PDZRN4: variants seen among roughly 807,000 people sequenced by gnomAD.
The protein encoded by PDZRN4 is PDZ domain containing ring finger 4, also known as PDZ domain-containing RING finger protein 4.
In PDZRN4, 70 loss-of-function variants were observed where a neutral mutation model predicts 99.0. The ratio of observed to expected loss-of-function variants is 0.71; its 90% CI spans 0.58 to 0.86. The LOEUF (loss-of-function observed/expected upper bound fraction) is 0.86. PDZRN4 is among the 40% of genes least tolerant of loss of function. The pLI, the probability that PDZRN4 is intolerant of heterozygous loss-of-function variation, is 0.00. For missense variants in PDZRN4, 1,474 were observed against 1,331.2 expected, an observed-to-expected ratio of 1.11 and a Z score of -1.67; for synonymous variants, 551 against 501.6, an observed-to-expected ratio of 1.10 and a Z score of -1.32.
At chr12:41,474,929 G>T (rs1159737029) in intron 3 of PDZRN4, among the ~76,000 whole-genome samples, 1 of 152,166 alleles carries the variant, frequency 6.6e-6, no homozygotes, top group Admixed American at 6.6e-5. Context: ...AAAGAAATTT[G>T]CAAGGAATAT....
Position 41,381,503 on chromosome 12 carries a change from G to A in PDZRN4, c.844-124953G>A, listed in dbSNP as rs980690676. 6.6e-5 allele frequency among the ~76,000 whole-genome samples: 10 copies of A among 152,112 alleles called. 1 individual carries two copies. The highest frequency in any genetic ancestry group is 2.6e-4 in the Admixed American group (4 of 15,284). On this transcript the variant is annotated intron_variant, in intron 3 of 9. Coordinates refer to ENST00000402685, the MANE Select transcript of PDZRN4 (RefSeq NM_001164595.2). ...AGTTCACTGACTCTTTATTCCACTT[G>A]AGTGTGCTATCATGGGTCTCTATTC...
intron 3 of PDZRN4, among the ~76,000 whole-genome samples, chr12:41,273,203 T>C (rs1566412744): frequency 6.6e-6 from 1 of 151,990 alleles, no homozygotes. Flanking sequence ...GATAGAAATA[T>C]CAAAGAGGCT....
chr12:41,563,081 C>T (rs80010253), intron 7 of PDZRN4, among the ~76,000 whole-genome samples: 3,206 of 152,296 alleles, frequency 0.021, 94 homozygotes, highest in African/African-American at 0.068. Context: ...AAAATGCAAT[C>T]AGCAGTGGCC....
At chr12:41,494,045 A>AT (rs34819405) in intron 3 of PDZRN4, among the ~76,000 whole-genome samples, 97,957 of 150,554 alleles carry the variant, frequency 0.65, 33,845 homozygotes, top group African/African-American at 0.91. Flanking sequence ...TCACAGAAAC[A>AT]TTTTTATTTT....
At chr12:41,474,775 CTG>C (rs1953024568) in intron 3 of PDZRN4, among the ~76,000 whole-genome samples, 1 of 152,082 alleles carries the variant, frequency 6.6e-6, no homozygotes, top group South Asian at 2.1e-4. Flanking sequence ...CAGAAAAAAA[CTG>C]TGGGACATCC....
chr12:41,267,032 A>G (rs750592298), intron 3 of PDZRN4, among the ~76,000 whole-genome samples: 1 of 152,180 alleles, frequency 6.6e-6, no homozygotes, highest in Non-Finnish European at 1.5e-5. Flanking sequence ...TTCTTTGCTC[A>G]TGAAACTCTG....
chr12:41,257,592 G>A (rs566339695), intron 3 of PDZRN4, among the ~76,000 whole-genome samples: 17 of 152,274 alleles, frequency 1.1e-4, no homozygotes, highest in South Asian at 2.1e-4. Flanking sequence ...AATATTTAAC[G>A]GCCAGTGGAA....
At chr12:41,227,590 A>C (rs1951002742) in intron 3 of PDZRN4, among the ~76,000 whole-genome samples, 1 of 152,090 alleles carries the variant, frequency 6.6e-6, no homozygotes, top group East Asian at 1.9e-4. Flanking sequence ...GTTTGAGCCC[A>C]GGAGGTGGAG....
chr12:41,252,940 G>A (rs551148864), intron 3 of PDZRN4, among the ~76,000 whole-genome samples: 51 of 152,218 alleles, frequency 3.4e-4, no homozygotes, highest in African/African-American at 1.2e-3. Context: ...ATATTTTATT[G>A]TATGTAAATT....
intron 3 of PDZRN4, among the ~76,000 whole-genome samples, chr12:41,265,254 A>G (rs1344176912): frequency 6.6e-6 from 1 of 152,202 alleles, no homozygotes; most frequent in Non-Finnish European, 1.5e-5. Context: ...ATTAAAGGAC[A>G]TATATTTTAC....
At chr12:41,543,791 CAT>C (rs1243459240) in intron 5 of PDZRN4, among the ~76,000 whole-genome samples, 1 of 152,128 alleles carries the variant, frequency 6.6e-6, no homozygotes, top group Non-Finnish European at 1.5e-5. Context: ...CAACAAAAGT[CAT>C]GAACCTGATT....
Position 41,387,437 on chromosome 12 carries a change from T to A in PDZRN4, c.844-119019T>A, listed in dbSNP as rs150668603. Among the ~76,000 whole-genome samples the A allele has an allele frequency of 1.1e-4, 16 of 152,166 alleles. No individual in the cohort carries two copies. In the East Asian group the frequency reaches 3.1e-3, roughly 29 times the overall value. On this transcript the variant is annotated intron_variant, in intron 3 of 9. Coordinates refer to ENST00000402685, the MANE Select transcript of PDZRN4 (RefSeq NM_001164595.2). Reference sequence around the variant, plus strand: ...CATCTGTACTAACATACAAAAAAATTAGCCAGGGGTGGCAGCGTGTGCCTG... The same window carrying A: ...CATCTGTACTAACATACAAAAAAATAAGCCAGGGGTGGCAGCGTGTGCCTG...
chr12:41,367,115 C>G (rs1361833537), intron 3 of PDZRN4, among the ~76,000 whole-genome samples: 2 of 152,080 alleles, frequency 1.3e-5, no homozygotes, highest in Admixed American at 1.3e-4. Context: ...TGTGCAACAC[C>G]TTTGTGCCTT....
At chr12:41,290,258 A>G (rs1951449423) in intron 3 of PDZRN4, among the ~76,000 whole-genome samples, 1 of 152,248 alleles carries the variant, frequency 6.6e-6, no homozygotes, top group African/African-American at 2.4e-5. Flanking sequence ...CTTTCAAAGC[A>G]AAATATCAAA....
At position 41,344,105 on chromosome 12, in the gene PDZRN4, G is replaced by T. The variant is rs114688014; in HGVS notation, c.843+149917G>T. Among the ~76,000 whole-genome samples the T allele has an allele frequency of 1.7e-3, 265 of 152,208 alleles. 2 individuals are homozygous for T. Among genetic ancestry groups the T allele is most frequent in the African/African-American group, 6.1e-3 (252 of 41,562 alleles). ...ATGTTAAAGCAGCTTCCCTGAGTTA[G>T]AATCTATACTGGTGATCAAATAAGT... On this transcript the variant is annotated intron_variant, in intron 3 of 9. Transcript: ENST00000402685.
intron 3 of PDZRN4, among the ~76,000 whole-genome samples, chr12:41,347,139 C>G (rs537046580): frequency 1.1e-4 from 16 of 152,116 alleles, no homozygotes; most frequent in African/African-American, 3.6e-4. Context: ...TGGATATTTG[C>G]TTTCATTTTC....
rs547660671 is a variant in PDZRN4 at position 41,480,693 on chromosome 12, T to C, written c.844-25763T>C. On this transcript the variant is annotated intron_variant, in intron 3 of 9. Transcript: ENST00000402685. Reference sequence around the variant, plus strand: ...AGATTTTCATATAAATATTTTATAATTTCTTACCTTCTCTTCTCCTGGAAG... The same window carrying C: ...AGATTTTCATATAAATATTTTATAACTTCTTACCTTCTCTTCTCCTGGAAG... Among the ~76,000 whole-genome samples the C allele has an allele frequency of 2.0e-5, 3 of 152,268 alleles. No individual in the cohort carries two copies. The South Asian group carries it at 6.2e-4, about 32-fold the overall frequency.
intron 3 of PDZRN4, among the ~76,000 whole-genome samples, chr12:41,262,297 C>G (rs1951245777): frequency 6.6e-6 from 1 of 152,188 alleles, no homozygotes; most frequent in Non-Finnish European, 1.5e-5. Context: ...TAAGCAGTCA[C>G]CTATGTGTCC....
chr12:41,554,269 T>C (rs1192262965), intron 6 of PDZRN4, among the ~76,000 whole-genome samples: 1 of 152,134 alleles, frequency 6.6e-6, no homozygotes, highest in East Asian at 1.9e-4. Flanking sequence ...TTGTGAGTGG[T>C]TTTTAAATGG....
Sources: gnomAD v4.1 joint callset for allele counts (sites outside exome capture counted in the v4.1 genomes callset) on GRCh38, gnomAD v4.1.1 for gene constraint, MANE v1.5 for transcripts, NCBI Gene and HGNC (gene_info 2026-07-23, HGNC 2026-07-21) for gene names.